The following PCDHA5 variants were observed in gnomAD, a reference collection of about 807,000 sequenced individuals.
PCDHA5 encodes protocadherin alpha-5.
Under a neutral mutation model 61.6 loss-of-function variants are expected in PCDHA5, and 43 were observed. The ratio of observed to expected loss-of-function variants is 0.70; its 90% confidence interval spans 0.55 to 0.90. The LOEUF (loss-of-function observed/expected upper bound fraction) is 0.90. PCDHA5 is among the 40% of genes least tolerant of loss of function. PCDHA5 has a pLI of 0.00. For missense variants in PCDHA5, 1,298 were observed against 1,222.7 expected (o/e 1.06, Z -0.92); for synonymous variants, 627 against 543.9 (o/e 1.15, Z -2.13).
chr5:140,871,467 G>A (rs782618131), intron 1 of PCDHA5: 18 of 1,602,610 alleles, frequency 1.1e-5, no homozygotes, highest in Non-Finnish European at 1.3e-5. Context: ...GGGAAAGACA[G>A]GAGCCAGGGT....
rs2150124408 is a variant in PCDHA5 at position 140,823,298 on chromosome 5, C to T, written c.1523C>T (p.Ser508Leu). Residue 508 changes from serine (S) to leucine (L), a missense_variant, in exon 1 of 4, where the codon TCG becomes TTG. Coordinates refer to ENST00000529859, the MANE Select transcript of PCDHA5 (RefSeq NM_018908.3). ...VGERPLSSYV[S>L]VHAESGKVYA... ...GAGCGCCCGCTGTCGAGTTACGTTT[C>T]GGTGCACGCGGAGAGCGGCAAGGTG... 1 of 1,612,332 alleles carries T rather than the reference C, an allele frequency of 6.2e-7. No homozygotes were observed. The highest frequency in any genetic ancestry group is 8.5e-7 in the Non-Finnish European group (1 of 1,179,744).
intron 1 of PCDHA5, chr5:140,830,638 T>C (rs1389009396): frequency 2.4e-5 from 12 of 501,874 alleles, no homozygotes; most frequent in African/African-American, 1.2e-4. Context: ...TTAATCTCTT[T>C]GCTTCTTTAA....
chr5:140,867,619 C>T (rs1554161426), intron 1 of PCDHA5: 3 of 152,174 alleles, frequency 2.0e-5, no homozygotes, highest in South Asian at 4.1e-4. Flanking sequence ...AACTATAGAA[C>T]AAAATATTTA....
At chr5:140,996,842 T>C (rs2097749816) in intron 3 of PCDHA5, among the ~76,000 whole-genome samples, 1 of 152,240 alleles carries the variant, frequency 6.6e-6, no homozygotes, top group African/African-American at 2.4e-5. Context: ...TTAGCGTGCA[T>C]CTTCAGAATT....
At chr5:140,922,135 C>T (rs550862927) in intron 1 of PCDHA5, among the ~76,000 whole-genome samples, 3 of 152,092 alleles carry the variant, frequency 2.0e-5, no homozygotes, top group African/African-American at 7.2e-5. Context: ...TGTCTCTTAT[C>T]CTCCATGAAA....
At chr5:140,927,040 A>G in intron 1 of PCDHA5, 1 of 1,612,350 alleles carries the variant, frequency 6.2e-7, no homozygotes, top group Non-Finnish European at 8.5e-7. Context: ...AGCGGCCGCT[A>G]TGTCCTCGCG....
intron 1 of PCDHA5, chr5:140,966,805 T>C (rs1554228690): frequency 6.5e-7 from 1 of 1,545,566 alleles, no homozygotes; most frequent in South Asian, 1.2e-5. Flanking sequence ...CGACAGAGCA[T>C]CCACGGCTCC....
At chr5:140,870,219 C>A (rs1188426625) in intron 1 of PCDHA5, 2 of 1,614,034 alleles carry the variant, frequency 1.2e-6, no homozygotes, top group Non-Finnish European at 1.7e-6. Flanking sequence ...CCCTGATCAG[C>A]GTGTCTGACC....
rs2150365344 is a variant in PCDHA5 at position 140,843,702 on chromosome 5, A to C, written c.2352+19575A>C. ...GGCGAAGAGCAAGATTTAAATGTTG[A>C]TCATGGCCTCAAAGTAAGTCCATTT... On this transcript the variant is annotated intron_variant, in intron 1 of 3. Transcript: ENST00000529859. 12 of 1,580,560 alleles carry C rather than the reference A, an allele frequency of 7.6e-6. 1 individual carries two copies. In the African/African-American group the frequency reaches 1.5e-4, roughly 20 times the overall value.
Position 140,853,615 on chromosome 5 carries a change from A to G in PCDHA5, c.2352+29488A>G, listed in dbSNP as rs1265889147. 5 of 988,116 alleles carry G rather than the reference A, an allele frequency of 5.1e-6. 1 individual carries two copies. Among genetic ancestry groups the G allele is most frequent in the Non-Finnish European group, 6.1e-6 (5 of 820,262 alleles). 61.2% of individuals were successfully genotyped at this position (988,116 alleles called of 1,614,324 possible). ...TTTGAGAGCAAAGGGGGTGCTGTAA[A>G]TAAGTATACAAGATCACAGACCTAA... On this transcript the variant is annotated intron_variant, in intron 1 of 3. Coordinates refer to ENST00000529859, the MANE Select transcript of PCDHA5 (RefSeq NM_018908.3).
At chr5:140,948,860 T>C (rs2094315023) in intron 1 of PCDHA5, among the ~76,000 whole-genome samples, 2 of 151,640 alleles carry the variant, frequency 1.3e-5, no homozygotes, top group Non-Finnish European at 3.0e-5. Flanking sequence ...CTTCTTATAT[T>C]ACTTCGGGTT....
intron 1 of PCDHA5, chr5:140,883,583 G>T (rs782212784): frequency 2.5e-6 from 4 of 1,613,916 alleles, no homozygotes; most frequent in Non-Finnish European, 3.4e-6. Context: ...GTGGGCCACG[G>T]CCAGCGTGTC....
chr5:140,966,894 A>G, intron 1 of PCDHA5: 1 of 1,596,438 alleles, frequency 6.3e-7, no homozygotes, highest in Non-Finnish European at 8.5e-7. Flanking sequence ...GCGGCCTCCC[A>G]GCTGCGATAC....
At chr5:140,921,704 A>T (rs1465184855) in intron 1 of PCDHA5, among the ~76,000 whole-genome samples, 8 of 152,234 alleles carry the variant, frequency 5.3e-5, no homozygotes, top group African/African-American at 1.9e-4. Flanking sequence ...AATTTTAAAC[A>T]GTAAACACAC....
At chr5:140,988,503 GAA>G (rs2097300771) in intron 3 of PCDHA5, among the ~76,000 whole-genome samples, 1 of 152,152 alleles carries the variant, frequency 6.6e-6, no homozygotes, top group Non-Finnish European at 1.5e-5. Flanking sequence ...GAGAAGCCAT[GAA>G]GCTTACTTAA....
At chr5:140,957,255 T>C (rs577479092) in intron 1 of PCDHA5, among the ~76,000 whole-genome samples, 88 of 152,306 alleles carry the variant, frequency 5.8e-4, no homozygotes, top group Non-Finnish European at 1.0e-3. Flanking sequence ...AAAATTTAAA[T>C]ATGTAAGCAC....
At chr5:140,998,968 T>A (rs2097841777) in intron 3 of PCDHA5, among the ~76,000 whole-genome samples, 1 of 152,238 alleles carries the variant, frequency 6.6e-6, no homozygotes, top group Non-Finnish European at 1.5e-5. Context: ...TCAAATAGTA[T>A]CCTAGAAAAT....
intron 1 of PCDHA5, chr5:140,843,270 T>C (rs1198092649): frequency 1.3e-6 from 2 of 1,595,942 alleles, no homozygotes; most frequent in African/African-American, 2.7e-5. Context: ...CTGCTGGTCC[T>C]GGTGAAGGAT....
chr5:140,878,468 A>G (rs2057603759), intron 1 of PCDHA5, among the ~76,000 whole-genome samples: 1 of 152,188 alleles, frequency 6.6e-6, no homozygotes, highest in Non-Finnish European at 1.5e-5. Flanking sequence ...TAATAAAATC[A>G]TTTCTCAATT....
Sources: allele counts gnomAD v4.1 joint callset (sites outside exome capture counted in the v4.1 genomes callset), GRCh38; gene constraint gnomAD v4.1.1; transcripts MANE v1.5; gene names NCBI Gene and HGNC (gene_info 2026-07-23, HGNC 2026-07-21).